The following PRKCB variants were observed in gnomAD, a reference collection of about 807,000 sequenced individuals.
The protein encoded by PRKCB is protein kinase C beta type.
Under a neutral mutation model 81.5 loss-of-function variants are expected in PRKCB, and 13 were observed. That is an observed-to-expected ratio of 0.16 (90% confidence interval 0.10 to 0.25). The LOEUF (loss-of-function observed/expected upper bound fraction) is 0.25, where lower values mean the gene tolerates loss of function less well. PRKCB is among the 10% of genes least tolerant of loss of function. The probability of loss-of-function intolerance (pLI) is 1.00; values close to 1 mark genes in which losing one functional copy is unlikely to be tolerated. For missense variants in PRKCB, 509 were observed against 875.7 expected (o/e 0.58, Z 5.29); for synonymous variants, 335 against 321.4 (o/e 1.04, Z -0.45).
intron 5 of PRKCB, among the ~76,000 whole-genome samples, chr16:24,059,020 C>T (rs993525594): frequency 6.6e-6 from 1 of 152,108 alleles, no homozygotes; most frequent in Admixed American, 6.5e-5. Context: ...CTCAGGAAGA[C>T]ATGTGGATAG....
chr16:24,128,944 A>G (rs1359645052), intron 9 of PRKCB, among the ~76,000 whole-genome samples: 1 of 152,224 alleles, frequency 6.6e-6, no homozygotes. Context: ...TGCTGCATAT[A>G]TATAAATTGG....
At chr16:23,989,378 C>G (rs2141822284) in intron 3 of PRKCB, among the ~76,000 whole-genome samples, 1 of 152,220 alleles carries the variant, frequency 6.6e-6, no homozygotes, top group South Asian at 2.1e-4. Flanking sequence ...AGCCAGTGCA[C>G]CCTGCTTGTT....
intron 5 of PRKCB, among the ~76,000 whole-genome samples, chr16:24,058,462 T>C (rs1403055342): frequency 2.0e-5 from 3 of 152,054 alleles, no homozygotes; most frequent in Non-Finnish European, 2.9e-5. Context: ...GGCAGAAGTG[T>C]AACCACACAA....
At chr16:23,877,113 C>A (rs1375964006) in intron 2 of PRKCB, among the ~76,000 whole-genome samples, 1 of 151,802 alleles carries the variant, frequency 6.6e-6, no homozygotes, top group Non-Finnish European at 1.5e-5. Flanking sequence ...TTCAGGACAC[C>A]AGAGATGGGG....
At chr16:23,938,981 A>T (rs1964102501) in intron 2 of PRKCB, among the ~76,000 whole-genome samples, 1 of 152,230 alleles carries the variant, frequency 6.6e-6, no homozygotes, top group African/African-American at 2.4e-5. Flanking sequence ...TCTATAAAAC[A>T]AACCAATCAA....
At chr16:23,910,083 C>T (rs1035721303) in intron 2 of PRKCB, among the ~76,000 whole-genome samples, 1 of 152,144 alleles carries the variant, frequency 6.6e-6, no homozygotes, top group African/African-American at 2.4e-5. Flanking sequence ...TGAGTTTTCT[C>T]CTCCAGCACA....
chr16:24,212,398 G>C (rs1402755347), intron 16 of PRKCB, among the ~76,000 whole-genome samples: 2 of 81,256 alleles, frequency 2.5e-5, no homozygotes, highest in Non-Finnish European at 4.4e-5. Flanking sequence ...CATATTCTGT[G>C]CTTTAAAAAA....
chr16:24,207,764 C>A (rs570626925), intron 16 of PRKCB, among the ~76,000 whole-genome samples: 3 of 151,984 alleles, frequency 2.0e-5, no homozygotes, highest in Non-Finnish European at 4.4e-5. Flanking sequence ...GGGAAAACCT[C>A]GTGGAGGAAG....
At chr16:24,127,449 T>C (rs1286022434) in intron 9 of PRKCB, among the ~76,000 whole-genome samples, 1 of 152,188 alleles carries the variant, frequency 6.6e-6, no homozygotes, top group African/African-American at 2.4e-5. Context: ...TGTGAACACT[T>C]TTATTCAGTT....
chr16:23,873,976 G>A (rs561410291), intron 2 of PRKCB, among the ~76,000 whole-genome samples: 1 of 151,672 alleles, frequency 6.6e-6, no homozygotes, highest in Non-Finnish European at 1.5e-5. Flanking sequence ...GTCACTTCCC[G>A]ATCTTATATT....
chr16:24,160,851 A>C (rs1289837410), intron 10 of PRKCB, among the ~76,000 whole-genome samples: 1 of 152,150 alleles, frequency 6.6e-6, no homozygotes, highest in Non-Finnish European at 1.5e-5. Flanking sequence ...GCATGTGGCT[A>C]TCTGGGGGCA....
At chr16:24,151,440 A>C (rs1232793746) in intron 9 of PRKCB, among the ~76,000 whole-genome samples, 8 of 152,222 alleles carry the variant, frequency 5.3e-5, no homozygotes, top group Non-Finnish European at 1.2e-4. Flanking sequence ...ATGCTAAGCA[A>C]ATAACAGTTT....
intron 16 of PRKCB, 44 bp downstream of exon 16, chr16:24,191,274 G>T: frequency 6.2e-7 from 1 of 1,610,144 alleles, no homozygotes; most frequent in Non-Finnish European, 8.5e-7. Flanking sequence ...TCACACACAA[G>T]GTATTCTTGC....
chr16:24,172,171 T>C (rs1967450972), intron 10 of PRKCB, 99 bp from the exon 11 acceptor site: 1 of 833,262 alleles, frequency 1.2e-6, no homozygotes, highest in Non-Finnish European at 2.0e-6. Flanking sequence ...CAGAGAGCCC[T>C]GGTAGTTTTC....
chr16:24,109,526 G>T (rs576776217), intron 7 of PRKCB, among the ~76,000 whole-genome samples: 1 of 120,266 alleles, frequency 8.3e-6, no homozygotes, highest in Non-Finnish European at 1.7e-5. Flanking sequence ...GGGCAGAGAC[G>T]CTCCTCACTT....
chr16:24,073,501 G>A (rs557805314), intron 5 of PRKCB, among the ~76,000 whole-genome samples: 13 of 152,144 alleles, frequency 8.5e-5, no homozygotes, highest in Admixed American at 2.6e-4. Context: ...CTGGCTAATC[G>A]TGAAAATTGT....
At chr16:23,924,810 C>A (rs572343322) in intron 2 of PRKCB, among the ~76,000 whole-genome samples, 1 of 152,154 alleles carries the variant, frequency 6.6e-6, no homozygotes, top group Admixed American at 6.5e-5. Flanking sequence ...ACTATGTATA[C>A]ATGTAGGAAA....
intron 16 of PRKCB, among the ~76,000 whole-genome samples, chr16:24,197,177 C>G (rs1043187927): frequency 2.6e-5 from 4 of 151,902 alleles, no homozygotes; most frequent in Non-Finnish European, 4.4e-5. Flanking sequence ...GGAGAGTGGG[C>G]AAAATAATAA....
chr16:23,992,319 GT>G (rs1057396083), intron 3 of PRKCB, among the ~76,000 whole-genome samples: 7 of 152,182 alleles, frequency 4.6e-5, no homozygotes, highest in Admixed American at 3.3e-4. Context: ...TTCTGAATTG[GT>G]TTCGGGGATT....
Sources: gnomAD v4.1 joint callset for allele counts (sites outside exome capture counted in the v4.1 genomes callset) on GRCh38, gnomAD v4.1.1 for gene constraint, MANE v1.5 for transcripts, NCBI Gene and HGNC (gene_info 2026-07-23, HGNC 2026-07-21) for gene names.